The following CDK12 variants were observed in gnomAD, a reference collection of about 807,000 sequenced individuals.
The protein encoded by CDK12 is cyclin dependent kinase 12.
Under a neutral mutation model 133.8 loss-of-function variants are expected in CDK12, and 17 were observed. The ratio of observed to expected loss-of-function variants is 0.13; its 90% CI spans 0.09 to 0.19. CDK12 has a LOEUF of 0.19. Among genes scored for constraint, CDK12 ranks in the 10% least tolerant of loss-of-function variants. The pLI is 1.00. For synonymous variants in CDK12, 694 were observed against 683.6 expected (o/e 1.02, Z -0.24); for missense variants, 1,508 against 1,818.7 (o/e 0.83, Z 3.11).
intron 8 of CDK12, 38 bp from the exon 9 acceptor site, chr17:39,515,693 G>C (rs1567765107): frequency 7.1e-7 from 1 of 1,411,498 alleles, no homozygotes; most frequent in Non-Finnish European, 1.0e-6. Context: ...TAGGCTCTAA[G>C]AATTTCTCTT....
chr17:39,560,469 G>A lies in CDK12; in HGVS notation n.484+4056G>A, dbSNP rs564160474. ...CTATTATCTCCATTTTATAGATGTG[G>A]AAAATTGAGGCTCATGTTAAATCAT... is the stretch of plus-strand genomic sequence containing the variant. On this transcript the variant is annotated intron_variant and non_coding_transcript_variant, in intron 3 of 3. Coordinates refer to the CDK12 transcript ENST00000558240. 2.0e-3 allele frequency among the ~76,000 whole-genome samples: 309 copies of A among 152,278 alleles called. 1 individual carries two copies. Among genetic ancestry groups the A allele is most frequent in the Non-Finnish European group, 3.3e-3 (222 of 68,022 alleles).
At chr17:39,489,303 C>T (rs1477423678) in intron 2 of CDK12, among the ~76,000 whole-genome samples, 1 of 151,894 alleles carries the variant, frequency 6.6e-6, no homozygotes, top group African/African-American at 2.4e-5. Flanking sequence ...CTCCTGAGTT[C>T]AGGCAGTCTG....
At chr17:39,521,510 G>A (rs913794428) in intron 11 of CDK12, among the ~76,000 whole-genome samples, 4 of 152,016 alleles carry the variant, frequency 2.6e-5, no homozygotes, top group South Asian at 2.1e-4. Flanking sequence ...TGATCCGCCC[G>A]CCTTGGCCTC....
downstream of CDK12, among the ~76,000 whole-genome samples, chr17:39,566,288 G>A (rs1363797771): frequency 2.0e-5 from 3 of 152,042 alleles, no homozygotes; most frequent in African/African-American, 4.8e-5. Flanking sequence ...CAGCTGTCAC[G>A]GCCTCTGGTC....
At chr17:39,547,971 A>T (rs558108817), upstream of CDK12, 7 of 152,360 alleles carry the variant, frequency 4.6e-5, no homozygotes, top group Non-Finnish European at 7.3e-5. Flanking sequence ...TCAAGCAGTA[A>T]GTATGCATGG....
chr17:39,477,139 G>A (rs956009350), intron 2 of CDK12, among the ~76,000 whole-genome samples: 5 of 151,804 alleles, frequency 3.3e-5, no homozygotes, highest in African/African-American at 1.2e-4. Context: ...TCCTGCCTCA[G>A]CCTCCTGAGT....
At chr17:39,492,099 CTT>C (rs781378233) in intron 3 of CDK12, among the ~76,000 whole-genome samples, 6 of 127,014 alleles carry the variant, frequency 4.7e-5, no homozygotes, top group Non-Finnish European at 8.4e-5. Context: ...ATTTTCTTTT[CTT>C]TTTTTTTTTT....
In CDK12 at chr17:39,519,585, C is replaced by CT. The variant is rs36022813; in HGVS notation, c.2964-354dup. Among the ~76,000 whole-genome samples, 1,148 of 138,676 alleles carry CT rather than the reference C, an allele frequency of 8.3e-3. 8 individuals are homozygous for CT. Among genetic ancestry groups the CT allele is most frequent in the African/African-American group, 0.018 (679 of 37,960 alleles). The allele number at this position is 138,676 out of a possible 152,430, so 91.0% of individuals were successfully genotyped here. ...TAGGCATGAGCCACCATTGCACATC[C>CT]TTTTTTTTTTTTTTTTTAAAAAGAG... On this transcript the variant is annotated intron_variant, in intron 10 of 13. Coordinates refer to ENST00000447079, the MANE Select transcript of CDK12 (RefSeq NM_016507.4).
chr17:39,482,777 A>G (rs760710416), intron 2 of CDK12, among the ~76,000 whole-genome samples: 18 of 151,174 alleles, frequency 1.2e-4, no homozygotes, highest in Non-Finnish European at 2.4e-4. Context: ...TGATCTTTGT[A>G]TTTTTAGTAG....
intron 5 of CDK12, among the ~76,000 whole-genome samples, chr17:39,497,865 A>T (rs945599719): frequency 1.3e-5 from 2 of 152,108 alleles, no homozygotes; most frequent in Admixed American, 6.6e-5. Flanking sequence ...TTGGCCTCCT[A>T]AAGTGCTGGG....
intron 1 of CDK12, among the ~76,000 whole-genome samples, chr17:39,466,051 A>G: frequency 6.6e-6 from 1 of 152,100 alleles, no homozygotes. Context: ...TTATGCCTAT[A>G]ATCCCAAGCA....
rs747400397 is a variant in CDK12 at position 39,471,536 on chromosome 17, T to C, written c.1704T>C (p.Pro568=). Residue 568 remains proline (P), a synonymous_variant, in exon 2 of 14, where the codon CCT becomes CCC. Transcript: ENST00000447079. ...TTCCACAGCAACCACCTCTGCCTCC[T>C]TCTCAGCCAGCATTTAGTCAGGTTC... ...PALPQQPPLP[P]SQPAFSQVPA... 45 of 1,610,170 alleles carry C rather than the reference T, an allele frequency of 2.8e-5. No homozygotes were observed. The highest frequency in any genetic ancestry group is 3.5e-5 in the Non-Finnish European group (41 of 1,178,542).
intron 2 of CDK12, among the ~76,000 whole-genome samples, chr17:39,487,151 A>T (rs1193322864): frequency 1.3e-5 from 2 of 152,208 alleles, no homozygotes; most frequent in Non-Finnish European, 2.9e-5. Flanking sequence ...GTTTCAGATG[A>T]TCATTATCTA....
chr17:39,475,622 T>C (rs1482139960), intron 2 of CDK12, among the ~76,000 whole-genome samples: 1 of 150,762 alleles, frequency 6.6e-6, no homozygotes, highest in Non-Finnish European at 1.5e-5. Context: ...CTTGGCTCAC[T>C]GCAAACTCCA....
chr17:39,564,421 C>T (rs2056502026), intron 3 of CDK12, among the ~76,000 whole-genome samples: 1 of 152,146 alleles, frequency 6.6e-6, no homozygotes, highest in African/African-American at 2.4e-5. Context: ...CTAAGGCCTT[C>T]CTCCTACCAC....
chr17:39,528,671 A>G (rs1026381543), intron 13 of CDK12, among the ~76,000 whole-genome samples: 1 of 152,218 alleles, frequency 6.6e-6, no homozygotes, highest in Non-Finnish European at 1.5e-5. Flanking sequence ...TTTTACACAT[A>G]TGAAAGAATT....
chr17:39,477,919 G>A (rs1227890034), intron 2 of CDK12, among the ~76,000 whole-genome samples: 2 of 151,796 alleles, frequency 1.3e-5, no homozygotes, highest in East Asian at 3.9e-4. Context: ...CATTGACCAG[G>A]CTGGTCTTGA....
intron 5 of CDK12, among the ~76,000 whole-genome samples, chr17:39,498,953 T>G (rs1284453812): frequency 0.1 from 1 of 10 alleles, no homozygotes; most frequent in Non-Finnish European, 0.12. Flanking sequence ...CTTTCTTTCT[T>G]TCTTTCTTTC....
chr17:39,490,815 C>T (rs1277987997), intron 3 of CDK12, 82 bp downstream of exon 3: 2 of 1,011,758 alleles, frequency 2.0e-6, no homozygotes, highest in East Asian at 2.5e-5. Flanking sequence ...CTTCTATAAC[C>T]CACACCAGTA....
Sources: allele counts gnomAD v4.1 joint callset (sites outside exome capture counted in the v4.1 genomes callset), GRCh38; gene constraint gnomAD v4.1.1; transcripts MANE v1.5; gene names NCBI Gene and HGNC (gene_info 2026-07-23, HGNC 2026-07-21).